USP6: variants seen among roughly 807,000 people sequenced by gnomAD.
USP6 encodes ubiquitin specific peptidase 6, also known as ubiquitin carboxyl-terminal hydrolase 6.
A neutral mutation model predicts 175.7 loss-of-function variants in USP6; 128 were observed. The ratio of observed to expected loss-of-function variants is 0.73; its 90% CI spans 0.63 to 0.84. The LOEUF (loss-of-function observed/expected upper bound fraction) is 0.84. Ranked by LOEUF, USP6 falls within the 40% of genes least tolerant of loss-of-function variation. The pLI is 0.00. For synonymous variants in USP6, 562 were observed against 630.6 expected, an observed-to-expected ratio of 0.89 and a Z score of 1.63; for missense variants, 1,498 against 1,760.3, an observed-to-expected ratio of 0.85 and a Z score of 2.67.
chr17:5,133,646 G>A lies in USP6; in HGVS notation c.384+96G>A, dbSNP rs962330842. The A allele has an allele frequency of 1.2e-5, 12 of 966,230 alleles. No homozygotes were observed. In the East Asian group the frequency reaches 1.6e-4, roughly 13 times the overall value. 59.9% of individuals were successfully genotyped at this position (966,230 alleles called of 1,614,324 possible). On this transcript the variant is annotated intron_variant, in intron 14 of 37. Transcript: ENST00000574788. ...GTCAAGCCCACCCTGGGGTGGGGGG[G>A]TGGGAGGGGATGGTTAGATGCACAT...
intron 33 of USP6, among the ~76,000 whole-genome samples, chr17:5,166,057 A>G (rs1232092440): frequency 6.6e-6 from 1 of 152,200 alleles, no homozygotes; most frequent in Non-Finnish European, 1.5e-5. Flanking sequence ...GAGAAAGGAA[A>G]CACTATCGTA....
At chr17:5,128,618 C>T (rs2071455) in intron 7 of USP6, 8,700 of 152,554 alleles carry the variant, frequency 0.057, 314 homozygotes, top group East Asian at 0.14. Flanking sequence ...CACACACGTG[C>T]ACAGACATGT....
In USP6 at chr17:5,162,876, CT is replaced by C; in HGVS notation, c.2916-3del. ...TTCTTCCTCTGTGGATCTTTCCCCC[CT>C]TTTTAGATTTTGCAGAGGCTGTAAA... On this transcript the variant is annotated splice_polypyrimidine_tract_variant and splice_region_variant and intron_variant, in intron 32 of 37. Transcript: ENST00000574788. 3 of 1,591,374 alleles carry C rather than the reference CT, an allele frequency of 1.9e-6. No homozygotes were observed. Among genetic ancestry groups the C allele is most frequent in the Admixed American group, 3.8e-5 (2 of 52,568 alleles).
chr17:5,119,716 ATAAT>A (rs1330308610), intron 2 of USP6, among the ~76,000 whole-genome samples: 1 of 152,202 alleles, frequency 6.6e-6, no homozygotes, highest in Non-Finnish European at 1.5e-5. Context: ...GCTAATTATT[ATAAT>A]TAATTATAAT....
At chr17:5,172,355 C>G (rs1438342198) in intron 37 of USP6, among the ~76,000 whole-genome samples, 1 of 151,480 alleles carries the variant, frequency 6.6e-6, no homozygotes, top group Non-Finnish European at 1.5e-5. Flanking sequence ...TATGGTGAAA[C>G]CCCATCTCTA....
intron 36 of USP6, 101 bp downstream of exon 36, chr17:5,171,016 T>G: frequency 1.4e-6 from 2 of 1,395,028 alleles, no homozygotes; most frequent in South Asian, 2.7e-5. Flanking sequence ...GCTAATTTCC[T>G]AGCATTGAGC....
At chr17:5,160,439 A>G (rs181050367) in intron 31 of USP6, among the ~76,000 whole-genome samples, 1 of 152,290 alleles carries the variant, frequency 6.6e-6, no homozygotes, top group Non-Finnish European at 1.5e-5. Context: ...TTGTATATAC[A>G]TCTAAGACAT....
At chr17:5,131,456 G>A (rs1597990985) in intron 11 of USP6, among the ~76,000 whole-genome samples, 1 of 149,828 alleles carries the variant, frequency 6.7e-6, no homozygotes, top group South Asian at 2.1e-4. Context: ...CGGGTATAGG[G>A]AGAGGCAGGT....
intron 23 of USP6, 108 bp from the exon 24 acceptor site, chr17:5,141,895 T>A: frequency 6.7e-7 from 1 of 1,481,756 alleles, no homozygotes; most frequent in Non-Finnish European, 9.0e-7. Context: ...TAGCACCATT[T>A]AGCTGATTAT....
chr17:5,138,016 C>G (rs1333483948), intron 20 of USP6, 105 bp from the exon 21 acceptor site: 1 of 1,588,396 alleles, frequency 6.3e-7, no homozygotes, highest in Non-Finnish European at 8.6e-7. Context: ...GGGGTGGCCA[C>G]AAAAGGATTC....
chr17:5,134,061 C>T (rs1397765867), intron 15 of USP6, 65 bp downstream of exon 15: 3 of 1,543,706 alleles, frequency 1.9e-6, no homozygotes, highest in Non-Finnish European at 2.7e-6. Flanking sequence ...GGGGACTTCC[C>T]CGGAGCAGAA....
At chr17:5,156,995 A>C (rs1668783234) in intron 31 of USP6, among the ~76,000 whole-genome samples, 1 of 151,368 alleles carries the variant, frequency 6.6e-6, no homozygotes, top group African/African-American at 2.4e-5. Context: ...CTCCCAAAGT[A>C]CTGGTATTAC....
Position 5,155,565 on chromosome 17 carries a change from A to G in USP6, c.2787A>G (p.Arg929=). 2 of 1,614,094 alleles carry G rather than the reference A, an allele frequency of 1.2e-6. No individual in the cohort carries two copies. The highest frequency in any genetic ancestry group is 8.5e-7 in the Non-Finnish European group (1 of 1,179,994). ...AVWIQVSWLA[R]PLPPQEASIH... Reference sequence around the variant, plus strand: ...GGATTCAAGTATCCTGGTTAGCAAGACCACTCCCACCTCAGGAAGCTAGTA... The same window carrying G: ...GGATTCAAGTATCCTGGTTAGCAAGGCCACTCCCACCTCAGGAAGCTAGTA... The change falls in exon 31 of 38, where the codon AGA becomes AGG. Residue 929 remains arginine, a synonymous_variant. Coordinates refer to ENST00000574788, the MANE Select transcript of USP6 (RefSeq NM_001304284.2).
At position 5,142,308 on chromosome 17, in the gene USP6, T is replaced by G. The variant is rs563327116; in HGVS notation, c.1713-89T>G. ...CATCTCTTGTTTCAAAAAGAAAAGA[T>G]ATTTTGATGTGAGATGCTAGGCATC... On this transcript the variant is annotated intron_variant, in intron 24 of 37. Coordinates refer to ENST00000574788, the MANE Select transcript of USP6 (RefSeq NM_001304284.2). 2.1e-5 allele frequency: 32 copies of G among 1,544,996 alleles called. No homozygotes were observed. The Admixed American group carries it at 4.0e-4, about 19-fold the overall frequency.
chr17:5,137,866 T>G lies in USP6; in HGVS notation c.925+116T>G, dbSNP rs185025464. On this transcript the variant is annotated intron_variant, in intron 20 of 37. Coordinates refer to ENST00000574788, the MANE Select transcript of USP6 (RefSeq NM_001304284.2). ...TCCTCTGTTCTGGCCCAGAGGGAGG[T>G]CTGGCCAGGTGGGCTGGGCAGGGCA... The G allele has an allele frequency of 3.0e-4, 480 of 1,578,638 alleles. 8 individuals carry two copies. The Admixed American group carries it at 8.0e-3, about 26-fold the overall frequency.
At chr17:5,149,485 G>A (rs533384623) in intron 30 of USP6, among the ~76,000 whole-genome samples, 1 of 152,172 alleles carries the variant, frequency 6.6e-6, no homozygotes, top group South Asian at 2.1e-4. Flanking sequence ...ACAGGATTTT[G>A]AAGCTATAAT....
intron 18 of USP6, 49 bp downstream of exon 18, chr17:5,136,783 G>T: frequency 6.3e-7 from 1 of 1,599,544 alleles, no homozygotes. Flanking sequence ...GCCTCCTGTG[G>T]GGCTGTAGGA....
intron 7 of USP6, 56 bp from the exon 8 acceptor site, chr17:5,128,896 C>T (rs949249169): frequency 6.6e-6 from 1 of 152,662 alleles, no homozygotes; most frequent in African/African-American, 2.4e-5. Context: ...GAGGCATAAC[C>T]CAGGCCAGCT....
At chr17:5,153,916 A>G (rs1325061923) in intron 30 of USP6, among the ~76,000 whole-genome samples, 4 of 152,208 alleles carry the variant, frequency 2.6e-5, no homozygotes, top group African/African-American at 9.7e-5. Flanking sequence ...GGCCTCCCGA[A>G]GTGCTGGGAT....
Sources: gnomAD v4.1 joint callset for allele counts (sites outside exome capture counted in the v4.1 genomes callset) on GRCh38, gnomAD v4.1.1 for gene constraint, MANE v1.5 for transcripts, NCBI Gene and HGNC (gene_info 2026-07-23, HGNC 2026-07-21) for gene names.